NINJ2: variants seen among roughly 807,000 people sequenced by gnomAD.
NINJ2 encodes ninjurin-2.
A neutral mutation model predicts 11.7 loss-of-function variants in NINJ2; 12 were observed. The ratio of observed to expected loss-of-function variants is 1.02; its 90% CI spans 0.66 to 1.66. The LOEUF (loss-of-function observed/expected upper bound fraction) is 1.66. NINJ2 is among the 40% of genes most tolerant of loss of function. The pLI, the probability that NINJ2 is intolerant of heterozygous loss-of-function variation, is 0.00. For missense variants in NINJ2, 187 were observed against 181.8 expected, an observed-to-expected ratio of 1.03 and a Z score of -0.16; for synonymous variants, 93 against 76.8, an observed-to-expected ratio of 1.21 and a Z score of -1.10.
intron 1 of NINJ2, among the ~76,000 whole-genome samples, chr12:646,824 C>T (rs1937691004): frequency 6.6e-6 from 1 of 152,158 alleles, no homozygotes; most frequent in Non-Finnish European, 1.5e-5. Flanking sequence ...AAAGCCTGAC[C>T]CCTCAAACCT....
chr12:660,041 T>C (rs1373651015), intron 1 of NINJ2, among the ~76,000 whole-genome samples: 3 of 151,976 alleles, frequency 2.0e-5, no homozygotes, highest in African/African-American at 7.3e-5. Flanking sequence ...TCCCAACACT[T>C]TGGGAGGCCA....
intron 1 of NINJ2, among the ~76,000 whole-genome samples, chr12:642,378 C>G (rs1376492574): frequency 6.6e-6 from 1 of 152,190 alleles, no homozygotes; most frequent in Non-Finnish European, 1.5e-5. Context: ...CTACAGGCGC[C>G]CGCCACCACG....
chr12:610,136 A>G (rs1468262227), intron 1 of NINJ2, among the ~76,000 whole-genome samples: 2 of 152,154 alleles, frequency 1.3e-5, no homozygotes, highest in African/African-American at 2.4e-5. Flanking sequence ...TTTGAGCTCT[A>G]ACTTTGCAGA....
Position 609,770 on chromosome 12 carries a change from CAA to C in NINJ2, c.34-43594_34-43593del, listed in dbSNP as rs1185755822. Among the ~76,000 whole-genome samples, 41 of 88,794 alleles carry C rather than the reference CAA, an allele frequency of 4.6e-4. 1 individual carries two copies. In the South Asian group the frequency reaches 6.0e-3, roughly 13 times the overall value. The allele number at this position is 88,794 out of a possible 152,430, so 58.3% of individuals were successfully genotyped here. A position where few individuals can be genotyped will look rare whatever the true frequency, so the allele number is the denominator to read the frequency against. On this transcript the variant is annotated intron_variant, in intron 1 of 3. Transcript: ENST00000305108. ...TGGGCAACAGAGTGAGACTCTGCCT[CAA>C]AAAAAAAAAAAAAAATAGGGAAAAC...
At chr12:602,511 G>T (rs1947886220) in intron 1 of NINJ2, among the ~76,000 whole-genome samples, 1 of 152,266 alleles carries the variant, frequency 6.6e-6, no homozygotes, top group South Asian at 2.1e-4. Flanking sequence ...TATACATTTT[G>T]CTTATACATT....
intron 1 of NINJ2, chr12:589,579 C>G (rs2120868041): frequency 6.6e-6 from 1 of 152,332 alleles, no homozygotes; most frequent in Middle Eastern, 3.4e-3. Flanking sequence ...TCTAGAAGAG[C>G]TCTAACACTT....
At position 580,873 on chromosome 12, in the gene NINJ2, AATGTGTCTATGC is replaced by A. The variant is rs1282323823; in HGVS notation, c.34-14707_34-14696del. On this transcript the variant is annotated intron_variant, in intron 1 of 3. Transcript: ENST00000305108. This position sits in a 1 kb window ranked among gnomAD's most constrained non-coding sequence, Gnocchi z 4.7. The stretch of plus-strand genomic sequence containing the variant: ...CTGTGTGTGCATGAGTGTCTGTGTG[AATGTGTCTATGC>A]ATGTGTCTGTGTGTCTGTGTGTGTG... 6.8e-6 allele frequency among the ~76,000 whole-genome samples: 1 copy of A among 146,394 alleles called. No homozygotes were observed. The highest frequency in any genetic ancestry group is 1.5e-5 in the Non-Finnish European group (1 of 66,438).
intron 1 of NINJ2, among the ~76,000 whole-genome samples, chr12:637,445 G>C (rs1948366022): frequency 6.6e-6 from 1 of 151,680 alleles, no homozygotes; most frequent in South Asian, 2.1e-4. Flanking sequence ...TTCACAACCA[G>C]CCTGGCCAAC....
At chr12:605,745 G>A (rs1303831399) in intron 1 of NINJ2, among the ~76,000 whole-genome samples, 14 of 152,112 alleles carry the variant, frequency 9.2e-5, no homozygotes, top group African/African-American at 2.4e-5. Flanking sequence ...TTTGTTTTTC[G>A]AATGGGTTCT....
chr12:572,350 C>A (rs1429752077), intron 1 of NINJ2, among the ~76,000 whole-genome samples: 2 of 152,204 alleles, frequency 1.3e-5, no homozygotes, highest in Non-Finnish European at 2.9e-5. Context: ...CCCAGAGGAA[C>A]AGGGGCCTGT....
rs1358181240 is a variant in NINJ2, at chr12:565,238, G to A, written c.426C>T (p.Leu142=). The stretch of plus-strand genomic sequence containing the variant: ...TCACCTGGGTCCCAGGCTGCATTCA[G>A]AGAGGATTCCTTGAGGCCCTGGCAG... ...FLAARASRNP[L] Residue 142 remains leucine, a synonymous_variant, in exon 3 of 4, where the codon CTC becomes CTT. Transcript: ENST00000305108. The A allele has an allele frequency of 9.3e-6, 15 of 1,613,310 alleles. No individual in the cohort carries two copies. In the Admixed American group the frequency reaches 2.5e-4, roughly 27 times the overall value.
At chr12:596,433 A>T (rs917803907) in intron 1 of NINJ2, among the ~76,000 whole-genome samples, 5 of 152,124 alleles carry the variant, frequency 3.3e-5, no homozygotes, top group African/African-American at 1.2e-4. Flanking sequence ...CTGCTGGGGG[A>T]TGTTGATAAT....
intron 1 of NINJ2, among the ~76,000 whole-genome samples, chr12:599,180 G>A (rs904800175): frequency 6.6e-6 from 1 of 151,886 alleles, no homozygotes; most frequent in Non-Finnish European, 1.5e-5. Context: ...TCAGGAGTTC[G>A]AGACCAGCTT....
chr12:601,893 T>C (rs1277313295), intron 1 of NINJ2, among the ~76,000 whole-genome samples: 1 of 152,064 alleles, frequency 6.6e-6, no homozygotes, highest in Non-Finnish European at 1.5e-5. Flanking sequence ...AATAAATAAA[T>C]AAAATAAAAT....
rs541310376 is a variant in NINJ2 at position 635,503 on chromosome 12, G to C, written c.33+27825C>G. On this transcript the variant is annotated intron_variant, in intron 1 of 3. Transcript: ENST00000305108. ...GAAAGGATAATCTTTTCAGTAAATG[G>C]TGCTGGAAAAACTGGATAGTCCCAC... Among the ~76,000 whole-genome samples, 4 of 152,290 alleles carry C rather than the reference G, an allele frequency of 2.6e-5. No homozygotes were observed. The East Asian group carries it at 5.8e-4, about 22-fold the overall frequency.
intron 1 of NINJ2, among the ~76,000 whole-genome samples, chr12:574,287 G>C (rs1947421185): frequency 6.6e-6 from 1 of 152,090 alleles, no homozygotes; most frequent in Admixed American, 6.5e-5. Flanking sequence ...TTGTGCCACT[G>C]TACTCCAGCC....
intron 1 of NINJ2, among the ~76,000 whole-genome samples, chr12:607,774 A>G (rs980637566): frequency 5.9e-5 from 9 of 152,204 alleles, no homozygotes; most frequent in Non-Finnish European, 1.3e-4. Flanking sequence ...TTTTTCAGGC[A>G]GAAACCTGTG....
intron 1 of NINJ2, among the ~76,000 whole-genome samples, chr12:623,093 C>T (rs73596297): frequency 7.2e-5 from 11 of 152,160 alleles, no homozygotes; most frequent in African/African-American, 2.7e-4. Context: ...AGCATGCACT[C>T]AGGTGGAATA....
chr12:642,016 T>C (rs898596063), intron 1 of NINJ2, among the ~76,000 whole-genome samples: 57 of 152,272 alleles, frequency 3.7e-4, no homozygotes, highest in African/African-American at 1.3e-3. Context: ...TGGCCTCCCC[T>C]TGGGGCGTGG....
Sources: gnomAD v4.1 joint callset for allele counts (sites outside exome capture counted in the v4.1 genomes callset) on GRCh38, gnomAD v4.1.1 for gene constraint, Gnocchi (gnomAD v3.1) non-coding constraint, MANE v1.5 for transcripts, NCBI Gene and HGNC (gene_info 2026-07-23, HGNC 2026-07-21) for gene names.